The following SLC24A3 variants were observed in gnomAD, a reference collection of about 807,000 sequenced individuals.
The protein encoded by SLC24A3 is solute carrier family 24 member 3, also known as sodium/potassium/calcium exchanger 3.
In SLC24A3, 28 loss-of-function variants were observed where a neutral mutation model predicts 75.8. That is an observed-to-expected ratio of 0.37 (90% CI 0.27 to 0.51). SLC24A3 has a LOEUF of 0.51. Among genes scored for constraint, SLC24A3 ranks in the 20% least tolerant of loss-of-function variants. The pLI is 0.94. For synonymous variants in SLC24A3, 372 were observed against 334.1 expected (o/e 1.11, Z -1.24); for missense variants, 663 against 847.8 (o/e 0.78, Z 2.71).
intron 3 of SLC24A3, among the ~76,000 whole-genome samples, chr20:19,570,530 G>C (rs915933118): frequency 2.0e-5 from 3 of 152,134 alleles, no homozygotes; most frequent in African/African-American, 7.2e-5. Flanking sequence ...CTTCTGGAGT[G>C]ATGCTAGGGA....
chr20:19,240,064 T>C lies in SLC24A3; in HGVS notation c.142+27080T>C, dbSNP rs74805147. Among the ~76,000 whole-genome samples, 285 of 152,346 alleles carry C rather than the reference T, an allele frequency of 1.9e-3. 2 individuals are homozygous for C. The highest frequency in any genetic ancestry group is 6.2e-3 in the African/African-American group (257 of 41,578). On this transcript the variant is annotated intron_variant, in intron 1 of 16. Transcript: ENST00000328041. ...TGGTGGTTTTGATACCTCCTTCTGT[T>C]AGTTTCTTCCAAATGGCCAATGTCT...
chr20:19,447,635 T>G (rs571985905), intron 2 of SLC24A3, among the ~76,000 whole-genome samples: 1 of 152,334 alleles, frequency 6.6e-6, no homozygotes, highest in South Asian at 2.1e-4. Context: ...TGGAAGTATT[T>G]AGGTTATGCT....
intron 2 of SLC24A3, among the ~76,000 whole-genome samples, chr20:19,437,674 G>A (rs1476581161): frequency 6.6e-6 from 1 of 152,162 alleles, no homozygotes; most frequent in Non-Finnish European, 1.5e-5. Flanking sequence ...GTGAGCATCT[G>A]GGTTTCCACA....
At chr20:19,716,772 G>A (rs1275159278) in intron 15 of SLC24A3, among the ~76,000 whole-genome samples, 1 of 152,072 alleles carries the variant, frequency 6.6e-6, no homozygotes, top group Non-Finnish European at 1.5e-5. Context: ...TCCTCAGGAG[G>A]CTGAGGTGGG....
At chr20:19,527,785 T>C (rs1045740106) in intron 3 of SLC24A3, among the ~76,000 whole-genome samples, 2 of 152,226 alleles carry the variant, frequency 1.3e-5, no homozygotes, top group Non-Finnish European at 2.9e-5. Context: ...ACAAACGTCA[T>C]CATTACTGAG....
chr20:19,586,471 T>A (rs1002053838), intron 6 of SLC24A3, among the ~76,000 whole-genome samples: 2 of 152,054 alleles, frequency 1.3e-5, no homozygotes, highest in Non-Finnish European at 2.9e-5. Context: ...AGTGCACTGT[T>A]CTCCTAGAAG....
intron 2 of SLC24A3, among the ~76,000 whole-genome samples, chr20:19,428,336 G>A (rs1485207781): frequency 3.9e-5 from 6 of 152,178 alleles, no homozygotes; most frequent in African/African-American, 1.4e-4. Flanking sequence ...CTTGGACACA[G>A]CACTCAATCG....
chr20:19,647,253 C>G (rs968969231), intron 6 of SLC24A3, among the ~76,000 whole-genome samples: 1 of 152,156 alleles, frequency 6.6e-6, no homozygotes, highest in Non-Finnish European at 1.5e-5. Flanking sequence ...TTCCTTCCAC[C>G]GCCTGCCTCA....
intron 1 of SLC24A3, among the ~76,000 whole-genome samples, chr20:19,279,091 G>C (rs1396888403): frequency 1.3e-5 from 2 of 152,330 alleles, no homozygotes; most frequent in South Asian, 4.1e-4. Context: ...TTTCTTGAGC[G>C]GTGTTGTGAG....
At chr20:19,419,822 G>GTT (rs571225238) in intron 2 of SLC24A3, among the ~76,000 whole-genome samples, 3,005 of 136,616 alleles carry the variant, frequency 0.022, 103 homozygotes, top group African/African-American at 0.073. Context: ...CGACAGCCAA[G>GTT]TTTTTTTTTT....
At chr20:19,703,307 T>C (rs1472299027) in intron 15 of SLC24A3, among the ~76,000 whole-genome samples, 1 of 152,188 alleles carries the variant, frequency 6.6e-6, no homozygotes, top group East Asian at 1.9e-4. Context: ...TGCTGGCCCA[T>C]CCACGTTCTT....
At chr20:19,502,138 G>A (rs1988393740) in intron 2 of SLC24A3, among the ~76,000 whole-genome samples, 1 of 152,118 alleles carries the variant, frequency 6.6e-6, no homozygotes, top group Admixed American at 6.6e-5. Flanking sequence ...TCCCCAAGGT[G>A]TGTAGCATAT....
At chr20:19,478,377 G>A (rs573323576) in intron 2 of SLC24A3, among the ~76,000 whole-genome samples, 12 of 152,214 alleles carry the variant, frequency 7.9e-5, no homozygotes, top group African/African-American at 2.6e-4. Flanking sequence ...TCTTGTTCTC[G>A]GCATGATCTT....
intron 2 of SLC24A3, among the ~76,000 whole-genome samples, chr20:19,356,852 T>TTAATAATAA (rs11275262): frequency 0.011 from 1,663 of 149,860 alleles, 32 homozygotes; most frequent in Admixed American, 0.026. Context: ...AGACTTTGCA[T>TTAATAATAA]TAATAATAAT....
In SLC24A3 at chr20:19,281,052, C is replaced by T. The variant is rs34507363; in HGVS notation, c.236C>T (p.Ala79Val). 20,517 of 1,614,114 alleles carry T rather than the reference C, an allele frequency of 0.013. 224 individuals carry two copies. Among genetic ancestry groups the T allele is most frequent in the South Asian group, 0.035 (3,150 of 91,072 alleles). ...QVNDTLTSED[A>V]GLRNSKNCTE... is the part of the protein sequence containing the mutation. The stretch of plus-strand genomic sequence containing the variant: ...AACGACACTCTGACTTCCGAAGATG[C>T]CGGACTCCGGAACAGCAAGAACTGC... The change falls in exon 2 of 17, where the codon GCC (alanine) becomes GTC (valine). Residue 79 changes from alanine to valine, a missense_variant. By Grantham distance (64) the Ala-to-Val change is moderately conservative. This residue lies in a region of SLC24A3 where 153 missense variants were observed against 144.2 expected (regional missense o/e 1.06). Transcript: ENST00000328041.
intron 2 of SLC24A3, among the ~76,000 whole-genome samples, chr20:19,345,406 A>G (rs777852084): frequency 1.3e-5 from 2 of 152,232 alleles, no homozygotes; most frequent in African/African-American, 4.8e-5. Context: ...AGTGATTTCT[A>G]AAGTTTATAT....
At chr20:19,455,188 C>G (rs1460264870) in intron 2 of SLC24A3, among the ~76,000 whole-genome samples, 1 of 152,074 alleles carries the variant, frequency 6.6e-6, no homozygotes, top group Non-Finnish European at 1.5e-5. Flanking sequence ...AAAGCGGGAC[C>G]CTGTTAGAGA....
chr20:19,278,149 G>T (rs1220613677), intron 1 of SLC24A3, among the ~76,000 whole-genome samples: 4 of 152,198 alleles, frequency 2.6e-5, no homozygotes, highest in Non-Finnish European at 4.4e-5. Context: ...TGGCAGATTA[G>T]AAATGCTGGG....
Position 19,693,338 on chromosome 20 carries a change from C to T in SLC24A3, c.1404C>T (p.Asn468=). The change falls in exon 13 of 17, where the codon AAC becomes AAT. Residue 468 remains asparagine (N), a synonymous_variant. Coordinates refer to ENST00000328041, the MANE Select transcript of SLC24A3 (RefSeq NM_020689.4). ...FVLYFTVPNC[N]KPRWEKWFMV... ...TATACTTCACTGTACCCAACTGCAA[C>T]AAGCCGCGCTGGGAGAAATGGTTCA... 2 of 1,614,148 alleles carry T rather than the reference C, an allele frequency of 1.2e-6. No individual in the cohort carries two copies. Among genetic ancestry groups the T allele is most frequent in the South Asian group, 1.1e-5 (1 of 91,080 alleles).
Sources: gnomAD v4.1 joint callset for allele counts (sites outside exome capture counted in the v4.1 genomes callset) on GRCh38, gnomAD v4.1.1 for gene constraint, gnomAD v4.1.1 regional missense constraint, MANE v1.5 for transcripts, NCBI Gene and HGNC (gene_info 2026-07-23, HGNC 2026-07-21) for gene names.